Variants in HIPK1 observed in about 807,000 individuals in gnomAD.
HIPK1 encodes the protein homeodomain-interacting protein kinase 1.
A neutral mutation model predicts 117.1 loss-of-function variants in HIPK1; 28 were observed. The ratio of observed to expected loss-of-function variants is 0.24; its 90% CI spans 0.18 to 0.33. The LOEUF is 0.33. Ranked by LOEUF, HIPK1 falls within the 10% of genes least tolerant of loss-of-function variation. HIPK1 has a pLI of 1.00. For missense variants in HIPK1, 1,122 were observed against 1,475.1 expected, an observed-to-expected ratio of 0.76 and a Z score of 3.92; for synonymous variants, 605 against 562.5, an observed-to-expected ratio of 1.08 and a Z score of -1.07.
At chr1:113,972,935 C>T in intron 15 of HIPK1, 89 bp from the exon 16 acceptor site, 1 of 1,418,230 alleles carries the variant, frequency 7.1e-7, no homozygotes, top group South Asian at 1.5e-5. Flanking sequence ...GAAAACAGTA[C>T]AAGTCAGAAC....
intron 14 of HIPK1, among the ~76,000 whole-genome samples, chr1:113,970,633 G>A (rs939893121): frequency 6.6e-6 from 1 of 152,200 alleles, no homozygotes; most frequent in South Asian, 2.1e-4. Flanking sequence ...TGTCATAGCA[G>A]TGATGCTTTT....
rs1330299094 is a variant in HIPK1 at position 113,971,867 on chromosome 1, G to T, written c.3057G>T (p.Gly1019=). 1 of 1,599,966 alleles carries T rather than the reference G, an allele frequency of 6.3e-7. No individual in the cohort carries two copies. ...NKTKPVASVS[G]QSSGCCITPT... is the part of the protein sequence containing the mutation. ...CTAAGCCAGTCGCTTCAGTGAGTGG[G>T]CAGTCATCTGGATGCTGTATCACCC... The change falls in exon 15 of 16, where the codon GGG becomes GGT. Residue 1019 remains glycine, a synonymous_variant. Transcript: ENST00000426820.
chr1:113,966,318 A>G (rs769136523), intron 11 of HIPK1, 46 bp downstream of exon 11: 1 of 1,568,462 alleles, frequency 6.4e-7, no homozygotes. Flanking sequence ...GGCCGATCCC[A>G]TAGGGTGGGA....
In HIPK1 at chr1:113,956,236, G is replaced by A. The variant is rs199803518; in HGVS notation, c.1408-391G>A. Among the ~76,000 whole-genome samples the A allele has an allele frequency of 1.1e-4, 16 of 151,712 alleles. No individual in the cohort carries two copies. The East Asian group carries it at 2.9e-3, about 27-fold the overall frequency. On this transcript the variant is annotated intron_variant, in intron 5 of 15. Transcript: ENST00000426820. ...ATTACAGGCACGTGCCACCATGCCC[G>A]GCTAATTTTTGTATTTTTTTTAGTA...
At chr1:113,929,756 A>G (rs1571626963) in intron 1 of HIPK1, 1 of 774,256 alleles carries the variant, frequency 1.3e-6, no homozygotes, top group Non-Finnish European at 1.5e-6. Flanking sequence ...GTGGAGCGGG[A>G]GGGAGGCTGA....
rs1673109626 is a variant in HIPK1 at position 113,975,812 on chromosome 1, C to G, written c.*2300C>G. The G allele has an allele frequency of 6.6e-6, 1 of 152,554 alleles. No homozygotes were observed. Among genetic ancestry groups the G allele is most frequent in the Non-Finnish European group, 1.5e-5 (1 of 68,016 alleles). 9.5% of individuals were successfully genotyped at this position (152,554 alleles called of 1,614,324 possible). On this transcript the variant is annotated 3_prime_UTR_variant, in exon 16 of 16. Transcript: ENST00000426820. ...CAGCTTGTATAGTCTTGGGGCCCTTCAAGCTGTGAAATTGTCCTTGTACTC... is the reference window on the plus strand; with the variant it reads ...CAGCTTGTATAGTCTTGGGGCCCTTGAAGCTGTGAAATTGTCCTTGTACTC...
chr1:113,966,774 T>G (rs1439268948), intron 11 of HIPK1, among the ~76,000 whole-genome samples: 2 of 152,054 alleles, frequency 1.3e-5, no homozygotes, highest in Non-Finnish European at 2.9e-5. Context: ...CATTTAAAAA[T>G]GTACAATTAA....
chr1:113,967,991 G>A, intron 12 of HIPK1, 43 bp downstream of exon 12: 1 of 1,539,612 alleles, frequency 6.5e-7, no homozygotes, highest in South Asian at 1.2e-5. Context: ...GTGCCAGTTT[G>A]AGAGATATGT....
chr1:113,931,936 A>C (rs1018510357), intron 1 of HIPK1, among the ~76,000 whole-genome samples: 1 of 152,194 alleles, frequency 6.6e-6, no homozygotes, highest in African/African-American at 2.4e-5. Flanking sequence ...AAAATTTACT[A>C]TTATTCCTCC....
chr1:113,945,984 C>G (rs1025471031), intron 2 of HIPK1, among the ~76,000 whole-genome samples: 3 of 152,074 alleles, frequency 2.0e-5, no homozygotes, highest in Non-Finnish European at 2.9e-5. Flanking sequence ...TTCTTTATAT[C>G]TTTTCACAGT....
At chr1:113,939,604 T>G (rs1670511836) in intron 1 of HIPK1, among the ~76,000 whole-genome samples, 1 of 151,976 alleles carries the variant, frequency 6.6e-6, no homozygotes, top group Non-Finnish European at 1.5e-5. Context: ...GGGTTAGAGA[T>G]AGAGATTTTA....
Position 113,931,735 on chromosome 1 carries a change from A to G in HIPK1, c.-3+2203A>G, listed in dbSNP as rs917735793. Among the ~76,000 whole-genome samples the G allele has an allele frequency of 5.9e-5, 9 of 152,138 alleles. No homozygotes were observed. The East Asian group carries it at 7.7e-4, about 13-fold the overall frequency. On this transcript the variant is annotated intron_variant, in intron 1 of 15. Coordinates refer to ENST00000426820, the MANE Select transcript of HIPK1 (RefSeq NM_198268.3). The stretch of plus-strand genomic sequence containing the variant: ...TGTTTTTATAAGCACAGCTCCATCA[A>G]TGATTTGTTGGTACAAATCAGTGAG...
intron 1 of HIPK1, among the ~76,000 whole-genome samples, chr1:113,934,475 T>C (rs1435605165): frequency 6.6e-6 from 1 of 152,196 alleles, no homozygotes; most frequent in Non-Finnish European, 1.5e-5. Flanking sequence ...CTATTATCTT[T>C]TAGCAATAAG....
At chr1:113,929,666 GC>G in intron 1 of HIPK1, 134 bp downstream of exon 1, 1 of 903,430 alleles carries the variant, frequency 1.1e-6, no homozygotes. Flanking sequence ...CCCGGCGGTA[GC>G]CCCGGACGGC....
chr1:113,949,687 C>T (rs530482854), intron 2 of HIPK1, among the ~76,000 whole-genome samples: 2 of 150,800 alleles, frequency 1.3e-5, no homozygotes, highest in Non-Finnish European at 2.9e-5. Flanking sequence ...CAACCTCCGT[C>T]TCCTGGGTTC....
chr1:113,936,799 A>G (rs547476064), intron 1 of HIPK1, among the ~76,000 whole-genome samples: 1 of 152,322 alleles, frequency 6.6e-6, no homozygotes, highest in Non-Finnish European at 1.5e-5. Context: ...CTATTCCTAG[A>G]CAGTTGCTAC....
chr1:113,966,293 T>G, intron 11 of HIPK1, 21 bp downstream of exon 11: 3 of 1,600,668 alleles, frequency 1.9e-6, no homozygotes, highest in Non-Finnish European at 2.6e-6. Context: ...TGTGTTACTC[T>G]GGGAGATTTG....
chr1:113,945,793 A>C (rs535084875), intron 2 of HIPK1, among the ~76,000 whole-genome samples: 2 of 152,232 alleles, frequency 1.3e-5, no homozygotes, highest in East Asian at 3.9e-4. Context: ...GAGACCTCCA[A>C]CTTTGTTCTT....
At chr1:113,954,983 A>G (rs1189206820) in intron 4 of HIPK1, among the ~76,000 whole-genome samples, 1 of 152,228 alleles carries the variant, frequency 6.6e-6, no homozygotes, top group African/African-American at 2.4e-5. Context: ...GTTATTTTGT[A>G]TATGTTCAAT....
Sources: allele counts gnomAD v4.1 joint callset (sites outside exome capture counted in the v4.1 genomes callset), GRCh38; gene constraint gnomAD v4.1.1; transcripts MANE v1.5; gene names NCBI Gene and HGNC (gene_info 2026-07-23, HGNC 2026-07-21).